PTPRO: variants seen among roughly 807,000 people sequenced by gnomAD.
The protein encoded by PTPRO is protein tyrosine phosphatase receptor type O.
PTPRO carries 62 observed loss-of-function variants against 145.2 expected under a neutral mutation model. The ratio of observed to expected loss-of-function variants is 0.43; its 90% confidence interval spans 0.35 to 0.53. The LOEUF (loss-of-function observed/expected upper bound fraction) is 0.53. Among genes scored for constraint, PTPRO ranks in the 20% least tolerant of loss-of-function variants. The pLI is 0.01. For synonymous variants in PTPRO, 565 were observed against 514.7 expected (o/e 1.10, Z -1.32); for missense variants, 1,345 against 1,482.7 (o/e 0.91, Z 1.53).
At chr12:15,559,361 G>T (rs1467255019) in intron 16 of PTPRO, among the ~76,000 whole-genome samples, 1 of 152,166 alleles carries the variant, frequency 6.6e-6, no homozygotes. Flanking sequence ...AAGTGACAAG[G>T]TGACAGTATT....
At chr12:15,344,318 T>C (rs948074053) in intron 1 of PTPRO, among the ~76,000 whole-genome samples, 1 of 152,246 alleles carries the variant, frequency 6.6e-6, no homozygotes, top group Admixed American at 6.5e-5. Context: ...GTGTGAAATG[T>C]CTTTCACAAA....
intron 14 of PTPRO, among the ~76,000 whole-genome samples, chr12:15,550,740 C>T (rs529765354): frequency 6.6e-6 from 1 of 152,304 alleles, no homozygotes; most frequent in South Asian, 2.1e-4. Context: ...TCAGATGCAC[C>T]TGCTCATTCT....
chr12:15,464,124 G>A (rs1055795664), intron 1 of PTPRO, among the ~76,000 whole-genome samples: 2 of 152,124 alleles, frequency 1.3e-5, no homozygotes, highest in Non-Finnish European at 2.9e-5. Flanking sequence ...TGCAAAGAGA[G>A]GAAGAAGTGA....
chr12:15,539,545 T>G (rs184044932), intron 12 of PTPRO, among the ~76,000 whole-genome samples: 19 of 152,062 alleles, frequency 1.2e-4, no homozygotes, highest in African/African-American at 4.6e-4. Flanking sequence ...GCAGATCACT[T>G]GAGGCCGGGA....
intron 7 of PTPRO, 124 bp downstream of exon 7, chr12:15,508,891 CTG>C: frequency 1.0e-6 from 1 of 991,468 alleles, no homozygotes; most frequent in East Asian, 2.6e-5. Flanking sequence ...TGTTCTGTGA[CTG>C]TTCCCAAGAG....
At chr12:15,352,894 A>G (rs1419116705) in intron 1 of PTPRO, among the ~76,000 whole-genome samples, 1 of 152,186 alleles carries the variant, frequency 6.6e-6, no homozygotes, top group Non-Finnish European at 1.5e-5. Context: ...TGTACAGTAC[A>G]TTCCCATCAA....
intron 1 of PTPRO, among the ~76,000 whole-genome samples, chr12:15,449,839 T>C (rs1335460303): frequency 6.6e-6 from 1 of 152,192 alleles, no homozygotes; most frequent in Non-Finnish European, 1.5e-5. Flanking sequence ...GCTACTCTTC[T>C]GTAAGTCTAA....
At chr12:15,421,064 TTATC>T (rs1940130491) in intron 1 of PTPRO, among the ~76,000 whole-genome samples, 1 of 152,220 alleles carries the variant, frequency 6.6e-6, no homozygotes, top group Admixed American at 6.5e-5. Context: ...TATTGTTTAT[TTATC>T]TATTTCTCTT....
intron 1 of PTPRO, among the ~76,000 whole-genome samples, chr12:15,369,321 C>G (rs1418026386): frequency 6.6e-6 from 1 of 152,050 alleles, no homozygotes; most frequent in Non-Finnish European, 1.5e-5. Context: ...CCATTTTTTT[C>G]TCTTGACCTT....
intron 1 of PTPRO, among the ~76,000 whole-genome samples, chr12:15,389,653 C>T (rs1291217701): frequency 6.6e-6 from 1 of 152,170 alleles, no homozygotes; most frequent in African/African-American, 2.4e-5. Context: ...CACCCAATCC[C>T]ATCCTTTCAC....
chr12:15,529,985 C>A (rs1321537468), intron 12 of PTPRO, among the ~76,000 whole-genome samples: 2 of 152,226 alleles, frequency 1.3e-5, no homozygotes, highest in Admixed American at 6.5e-5. Flanking sequence ...ACCCACTTCA[C>A]CTGTAAAGAC....
intron 1 of PTPRO, among the ~76,000 whole-genome samples, chr12:15,424,023 G>T (rs1395358502): frequency 6.6e-6 from 1 of 152,180 alleles, no homozygotes; most frequent in Non-Finnish European, 1.5e-5. Flanking sequence ...AATAGGACAA[G>T]CAGCCTGCAA....
At chr12:15,407,435 G>A (rs1324305008) in intron 1 of PTPRO, among the ~76,000 whole-genome samples, 1 of 151,984 alleles carries the variant, frequency 6.6e-6, no homozygotes, top group African/African-American at 2.4e-5. Flanking sequence ...GTCTAATTCT[G>A]AAGACACTTC....
chr12:15,486,403 T>A (rs1033909467), intron 2 of PTPRO, among the ~76,000 whole-genome samples: 1 of 152,216 alleles, frequency 6.6e-6, no homozygotes, highest in African/African-American at 2.4e-5. Flanking sequence ...ATCCACCCTT[T>A]TGCTTTCAGC....
intron 1 of PTPRO, among the ~76,000 whole-genome samples, chr12:15,331,962 C>CTTTTTTTTTTTT (rs200334215): frequency 5.9e-5 from 7 of 118,264 alleles, no homozygotes; most frequent in Middle Eastern, 5.3e-3. Flanking sequence ...CTCTTTCTTT[C>CTTTTTTTTTTTT]TTTTTTTTTT....
At chr12:15,479,182 C>T (rs1265322124) in intron 1 of PTPRO, among the ~76,000 whole-genome samples, 1 of 152,146 alleles carries the variant, frequency 6.6e-6, no homozygotes, top group African/African-American at 2.4e-5. Context: ...GCTACCTTAA[C>T]CGTCAGATAC....
Position 15,497,198 on chromosome 12 carries a change from C to A in PTPRO, c.350-47C>A, listed in dbSNP as rs780700188. On this transcript the variant is annotated intron_variant, in intron 2 of 26. Coordinates refer to ENST00000281171, the MANE Select transcript of PTPRO (RefSeq NM_030667.3). Reference sequence around the variant, plus strand: ...AATTCAAGTATTGATATCGGCCTTTCTCTCTCCTCTTTCTTTTCCCTTTCT... The same window carrying A: ...AATTCAAGTATTGATATCGGCCTTTATCTCTCCTCTTTCTTTTCCCTTTCT... 4 of 1,494,976 alleles carry A rather than the reference C, an allele frequency of 2.7e-6. No individual in the cohort carries two copies. In the South Asian group the frequency reaches 4.5e-5, roughly 17 times the overall value. 92.6% of individuals were successfully genotyped at this position (1,494,976 alleles called of 1,614,324 possible). A position where few individuals can be genotyped will look rare whatever the true frequency, so the allele number is the denominator to read the frequency against.
At chr12:15,554,547 T>C (rs972252063) in intron 15 of PTPRO, among the ~76,000 whole-genome samples, 17 of 151,972 alleles carry the variant, frequency 1.1e-4, no homozygotes, top group Non-Finnish European at 1.9e-4. Flanking sequence ...GGAGAGCCAG[T>C]CTGAATCTCA....
In PTPRO at chr12:15,598,147, T is replaced by C. The variant is rs1342461178; in HGVS notation, c.*2074T>C. 1.3e-5 allele frequency among the ~76,000 whole-genome samples: 2 copies of C among 152,200 alleles called. No homozygotes were observed. The highest frequency in any genetic ancestry group is 2.9e-5 in the Non-Finnish European group (2 of 68,024). Reference sequence around the variant, plus strand: ...AAGGAAAGAGGAAGTATCCAGAGTTTAGACTGAAGGCTTAGAGTCAAAACT... The same window carrying C: ...AAGGAAAGAGGAAGTATCCAGAGTTCAGACTGAAGGCTTAGAGTCAAAACT... On this transcript the variant is annotated 3_prime_UTR_variant, in exon 27 of 27. Coordinates refer to ENST00000281171, the MANE Select transcript of PTPRO (RefSeq NM_030667.3).
Sources: gnomAD v4.1 joint callset for allele counts (sites outside exome capture counted in the v4.1 genomes callset) on GRCh38, gnomAD v4.1.1 for gene constraint, MANE v1.5 for transcripts, NCBI Gene and HGNC (gene_info 2026-07-23, HGNC 2026-07-21) for gene names.